TNR: variants seen among roughly 807,000 people sequenced by gnomAD.
TNR encodes the protein tenascin-R.
In TNR, 45 loss-of-function variants were observed where a neutral mutation model predicts 150.4. The ratio of observed to expected loss-of-function variants is 0.30; its 90% CI spans 0.24 to 0.38. The LOEUF is 0.38. Ranked by LOEUF, TNR falls within the 10% of genes least tolerant of loss-of-function variation. The probability of loss-of-function intolerance (pLI) is 1.00; values close to 1 mark genes in which losing one functional copy is unlikely to be tolerated. For synonymous variants in TNR, 687 were observed against 678.4 expected (o/e 1.01, Z -0.20); for missense variants, 1,544 against 1,759.1 (o/e 0.88, Z 2.19).
intron 1 of TNR, among the ~76,000 whole-genome samples, chr1:175,725,840 G>A (rs1259523698): frequency 6.6e-6 from 1 of 152,166 alleles, no homozygotes. Flanking sequence ...CTTCGTCACT[G>A]CTGGATATTC....
At chr1:175,727,932 T>G (rs533533497) in intron 1 of TNR, among the ~76,000 whole-genome samples, 2 of 152,240 alleles carry the variant, frequency 1.3e-5, no homozygotes, top group Non-Finnish European at 1.5e-5. Flanking sequence ...AAAGGTAACT[T>G]ACTAGGAAAA....
chr1:175,738,930 T>C (rs1254472111), intron 1 of TNR, among the ~76,000 whole-genome samples: 1 of 152,210 alleles, frequency 6.6e-6, no homozygotes, highest in Admixed American at 6.5e-5. Flanking sequence ...GGCAAAAGTG[T>C]ATCTCTGCGC....
rs530432887 is a variant in TNR at position 175,606,664 on chromosome 1, T to A, written c.-164-78295A>T. 2.6e-5 allele frequency among the ~76,000 whole-genome samples: 4 copies of A among 152,292 alleles called. No individual in the cohort carries two copies. In the South Asian group the frequency reaches 6.2e-4, roughly 24 times the overall value. ...CCCTTGTCCAGAGCAGCTCTGTTGA[T>A]GCTCTGCCCAGGACCCCCCACCCGA... On this transcript the variant is annotated intron_variant, in intron 1 of 22. Coordinates refer to ENST00000367674, the MANE Select transcript of TNR (RefSeq NM_003285.3).
intron 15 of TNR, 73 bp from the exon 16 acceptor site, chr1:175,356,535 G>C: frequency 6.4e-7 from 1 of 1,567,836 alleles, no homozygotes. Flanking sequence ...AAATCCAAAG[G>C]TATTTCACAT....
At chr1:175,417,075 G>GAAAGAAATAAATAATAAATCTAAAT (rs754333098) in intron 2 of TNR, among the ~76,000 whole-genome samples, 1 of 138,166 alleles carries the variant, frequency 7.2e-6, no homozygotes, top group Non-Finnish European at 1.6e-5. Context: ...AAGAAAGAAA[G>GAAAGAAATAAATAATAAATCTAAAT]AAATCTAAGA....
At position 175,321,700 on chromosome 1, in the gene TNR, C is replaced by T. The variant is rs998524880; in HGVS notation, c.*1657G>A. On this transcript the variant is annotated 3_prime_UTR_variant, in exon 23 of 23. Coordinates refer to ENST00000367674, the MANE Select transcript of TNR (RefSeq NM_003285.3). ...TTGTGCTAGTGAAGACAGTGCATCT[C>T]ATAAAATGGGAAGTAGGCCCACAGT... 3 of 152,210 alleles carry T rather than the reference C, an allele frequency of 2.0e-5. No homozygotes were observed. Among genetic ancestry groups the T allele is most frequent in the African/African-American group, 4.8e-5 (2 of 41,430 alleles). 9.4% of individuals were successfully genotyped at this position (152,210 alleles called of 1,614,324 possible).
intron 1 of TNR, among the ~76,000 whole-genome samples, chr1:175,606,196 C>A (rs550406388): frequency 1.3e-5 from 2 of 152,246 alleles, no homozygotes; most frequent in South Asian, 4.1e-4. Flanking sequence ...GCCAAGGTTT[C>A]CTTAACTACC....
intron 7 of TNR, among the ~76,000 whole-genome samples, chr1:175,388,105 T>A (rs1653015814): frequency 6.6e-6 from 1 of 152,164 alleles, no homozygotes; most frequent in Admixed American, 6.5e-5. Flanking sequence ...AAATTAATTA[T>A]GAAATGGGGG....
intron 1 of TNR, among the ~76,000 whole-genome samples, chr1:175,643,173 T>C (rs1455824616): frequency 6.6e-6 from 1 of 152,230 alleles, no homozygotes; most frequent in Non-Finnish European, 1.5e-5. Flanking sequence ...ATTCCTGGCC[T>C]GCACCTCTTT....
At chr1:175,644,346 G>A (rs769201320) in intron 1 of TNR, among the ~76,000 whole-genome samples, 3 of 152,138 alleles carry the variant, frequency 2.0e-5, no homozygotes, top group Non-Finnish European at 2.9e-5. Context: ...TCAAGAATAC[G>A]TTTCTCTATC....
At chr1:175,335,245 G>A (rs536717871) in intron 20 of TNR, 1 of 153,392 alleles carries the variant, frequency 6.5e-6, no homozygotes, top group African/African-American at 2.4e-5. Flanking sequence ...GAAATTGCCA[G>A]TCACCTCTAA....
At position 175,323,141 on chromosome 1, in the gene TNR, C is replaced by A; in HGVS notation, c.*216G>T. On this transcript the variant is annotated 3_prime_UTR_variant, in exon 23 of 23. Coordinates refer to ENST00000367674, the MANE Select transcript of TNR (RefSeq NM_003285.3). ...GGAAAGGAGGTGAAGGTTGAGGAGG[C>A]CTGGGTAGGAGGGAGAATGGAGACT... The A allele has an allele frequency of 5.9e-6, 3 of 506,616 alleles. No homozygotes were observed. The highest frequency in any genetic ancestry group is 3.9e-5 in the Admixed American group (1 of 25,862). 31.4% of individuals were successfully genotyped at this position (506,616 alleles called of 1,614,324 possible).
intron 1 of TNR, among the ~76,000 whole-genome samples, chr1:175,575,771 T>C (rs1193119546): frequency 6.6e-6 from 1 of 152,124 alleles, no homozygotes; most frequent in African/African-American, 2.4e-5. Flanking sequence ...GGACTGTGTA[T>C]GATGGGCTTA....
At chr1:175,623,318 A>G (rs1664038771) in intron 1 of TNR, among the ~76,000 whole-genome samples, 1 of 152,232 alleles carries the variant, frequency 6.6e-6, no homozygotes, top group Admixed American at 6.5e-5. Context: ...AGTATAATAT[A>G]TATCTAGTAC....
intron 1 of TNR, among the ~76,000 whole-genome samples, chr1:175,560,341 G>A (rs1204375242): frequency 6.6e-6 from 1 of 152,220 alleles, no homozygotes; most frequent in Non-Finnish European, 1.5e-5. Flanking sequence ...AGCCAAAGAT[G>A]AAGCCCTGTG....
At chr1:175,409,431 T>A (rs1467855158) in intron 2 of TNR, among the ~76,000 whole-genome samples, 1 of 152,148 alleles carries the variant, frequency 6.6e-6, no homozygotes, top group Non-Finnish European at 1.5e-5. Flanking sequence ...CACTTTTAGG[T>A]CCAAAGTGAC....
intron 2 of TNR, among the ~76,000 whole-genome samples, chr1:175,473,278 C>A (rs1657375281): frequency 6.6e-6 from 1 of 152,202 alleles, no homozygotes; most frequent in African/African-American, 2.4e-5. Flanking sequence ...TTTCATTAAG[C>A]TTCTGGTTTC....
chr1:175,725,447 C>A (rs1667451087), intron 1 of TNR, among the ~76,000 whole-genome samples: 1 of 152,194 alleles, frequency 6.6e-6, no homozygotes, highest in South Asian at 2.1e-4. Context: ...ACAGATACGA[C>A]TTCCACCACT....
At chr1:175,726,099 A>C (rs1667470203) in intron 1 of TNR, among the ~76,000 whole-genome samples, 1 of 152,202 alleles carries the variant, frequency 6.6e-6, no homozygotes, top group African/African-American at 2.4e-5. Flanking sequence ...TGATTACTTA[A>C]ATGATAGTAA....
Sources: gnomAD v4.1 joint callset for allele counts (sites outside exome capture counted in the v4.1 genomes callset) on GRCh38, gnomAD v4.1.1 for gene constraint, MANE v1.5 for transcripts, NCBI Gene and HGNC (gene_info 2026-07-23, HGNC 2026-07-21) for gene names.